COL23A1: variants seen among roughly 807,000 people sequenced by gnomAD.
The protein encoded by COL23A1 is collagen alpha-1(XXIII) chain.
In COL23A1, 97 loss-of-function variants were observed where a neutral mutation model predicts 99.3. That is an observed-to-expected ratio of 0.98 (90% confidence interval 0.83 to 1.16). The LOEUF (loss-of-function observed/expected upper bound fraction) is 1.16. Ranked by LOEUF, COL23A1 falls within the 50% of genes most tolerant of loss-of-function variation. The pLI is 0.00. For missense variants in COL23A1, 762 were observed against 757.4 expected (o/e 1.01, Z -0.07); for synonymous variants, 320 against 308.2 (o/e 1.04, Z -0.40).
chr5:178,399,535 G>A (rs12658831), intron 2 of COL23A1, among the ~76,000 whole-genome samples: 58,872 of 152,080 alleles, frequency 0.39, 11,947 homozygotes, highest in African/African-American at 0.47. Context: ...AGCAGCTGAC[G>A]GCAGGCTGTC....
intron 2 of COL23A1, among the ~76,000 whole-genome samples, chr5:178,389,592 T>C (rs970842190): frequency 2.6e-5 from 4 of 152,330 alleles, no homozygotes; most frequent in Admixed American, 6.5e-5. Context: ...TTGCTGGACT[T>C]CCCTCCACCC....
intron 12 of COL23A1, 44 bp from the exon 13 acceptor site, chr5:178,257,611 G>A: frequency 1.9e-6 from 3 of 1,543,978 alleles, no homozygotes; most frequent in Non-Finnish European, 2.6e-6. Flanking sequence ...ACCCTCGGGT[G>A]GCCAGTGGGC....
intron 2 of COL23A1, among the ~76,000 whole-genome samples, chr5:178,427,700 G>A (rs1344439720): frequency 6.6e-6 from 1 of 152,188 alleles, no homozygotes; most frequent in East Asian, 1.9e-4. Flanking sequence ...GGAGAAAGAA[G>A]CTATCTGAAA....
chr5:178,436,650 G>C (rs1011580419), intron 2 of COL23A1, among the ~76,000 whole-genome samples: 1 of 152,162 alleles, frequency 6.6e-6, no homozygotes, highest in Non-Finnish European at 1.5e-5. Flanking sequence ...GTGCAGCGGT[G>C]GTGACCAGCT....
chr5:178,574,279 T>C (rs114175419), intron 1 of COL23A1, among the ~76,000 whole-genome samples: 2,441 of 152,292 alleles, frequency 0.016, 55 homozygotes, highest in African/African-American at 0.054. Context: ...TTTTCTGAGA[T>C]GTTAAAAATA....
At chr5:178,546,930 C>T (rs528780518) in intron 2 of COL23A1, among the ~76,000 whole-genome samples, 59 of 152,258 alleles carry the variant, frequency 3.9e-4, no homozygotes, top group Admixed American at 2.4e-3. Context: ...CCTGGAGGAA[C>T]ACGGAGGAGG....
chr5:178,318,925 G>T (rs1012901454), intron 2 of COL23A1, among the ~76,000 whole-genome samples: 4 of 152,002 alleles, frequency 2.6e-5, no homozygotes, highest in African/African-American at 9.7e-5. Flanking sequence ...AAGGAAAGGG[G>T]CTCTCAAGGG....
chr5:178,360,386 G>A (rs1581228497), intron 2 of COL23A1, among the ~76,000 whole-genome samples: 1 of 152,114 alleles, frequency 6.6e-6, no homozygotes, highest in Admixed American at 6.5e-5. Flanking sequence ...TTAAAGTGGC[G>A]GCAGCCCTGC....
intron 2 of COL23A1, chr5:178,438,823 C>T (rs1236638034): frequency 1.3e-5 from 2 of 152,160 alleles, no homozygotes; most frequent in Non-Finnish European, 2.9e-5. Context: ...CTCTTGGGTC[C>T]AAACAAGTTG....
At chr5:178,256,747 G>C (rs563784547) in intron 14 of COL23A1, 119 bp downstream of exon 14, 10 of 989,854 alleles carry the variant, frequency 1.0e-5, no homozygotes, top group South Asian at 1.6e-5. Flanking sequence ...AGACCCCTGG[G>C]TCAGGCCCTC....
intron 12 of COL23A1, among the ~76,000 whole-genome samples, chr5:178,258,775 G>T (rs1479441225): frequency 1.3e-5 from 2 of 151,880 alleles, no homozygotes; most frequent in Non-Finnish European, 2.9e-5. Context: ...GCTTACTACA[G>T]CCTCAACCTC....
At chr5:178,392,355 TC>T (rs1764014758) in intron 2 of COL23A1, among the ~76,000 whole-genome samples, 1 of 152,188 alleles carries the variant, frequency 6.6e-6, no homozygotes, top group Non-Finnish European at 1.5e-5. Flanking sequence ...CTTATTTATA[TC>T]TTTCAAACAA....
intron 2 of COL23A1, among the ~76,000 whole-genome samples, chr5:178,511,061 T>C (rs902445730): frequency 6.6e-6 from 1 of 152,264 alleles, no homozygotes; most frequent in Non-Finnish European, 1.5e-5. Flanking sequence ...AACTAGAAAT[T>C]ATATTTTATT....
chr5:178,530,018 T>C (rs1342725644), intron 2 of COL23A1, among the ~76,000 whole-genome samples: 1 of 152,262 alleles, frequency 6.6e-6, no homozygotes, highest in East Asian at 1.9e-4. Flanking sequence ...TAACAGTTTT[T>C]CTACGGTCTT....
At chr5:178,521,049 G>T (rs1404826424) in intron 2 of COL23A1, among the ~76,000 whole-genome samples, 1 of 152,110 alleles carries the variant, frequency 6.6e-6, no homozygotes, top group Non-Finnish European at 1.5e-5. Context: ...GTAGCCTATT[G>T]CCCCCAGGCT....
rs200812819 is a variant in COL23A1 at position 178,259,691 on chromosome 5, C to A, written c.729+30G>T. On this transcript the variant is annotated intron_variant, in intron 12 of 28. Transcript: ENST00000390654. The stretch of plus-strand genomic sequence containing the variant: ...CTCTCCAGCCACTTCCCAACACTGA[C>A]CCGGAAGCTCCTCCATTGGCCCCTC... 2.9e-5 allele frequency: 45 copies of A among 1,574,808 alleles called. No homozygotes were observed. The Admixed American group carries it at 7.2e-4, about 25-fold the overall frequency.
At chr5:178,499,757 C>T (rs1370538552) in intron 2 of COL23A1, among the ~76,000 whole-genome samples, 1 of 152,212 alleles carries the variant, frequency 6.6e-6, no homozygotes, top group East Asian at 1.9e-4. Context: ...CAAGAATGTT[C>T]CTAGCAGCCT....
At chr5:178,556,506 C>A (rs1009289721) in intron 2 of COL23A1, among the ~76,000 whole-genome samples, 1 of 150,648 alleles carries the variant, frequency 6.6e-6, no homozygotes, top group Admixed American at 6.7e-5. Context: ...ATCTGTAGTC[C>A]CAGCTACTTG....
chr5:178,297,630 G>A lies in COL23A1; in HGVS notation c.407-7261C>T, dbSNP rs952778300. Among the ~76,000 whole-genome samples the A allele has an allele frequency of 3.2e-4, 48 of 152,290 alleles. 1 individual carries two copies. Among genetic ancestry groups the A allele is most frequent in the African/African-American group, 1.1e-3 (47 of 41,558 alleles). ...TTTCCTTCCATGCACTGTTGCAATC[G>A]GTAGTGGTTATTTACTTGTGGGTCG... On this transcript the variant is annotated intron_variant, in intron 3 of 28. Coordinates refer to ENST00000390654, the MANE Select transcript of COL23A1 (RefSeq NM_173465.4).
Sources: gnomAD v4.1 joint callset for allele counts (sites outside exome capture counted in the v4.1 genomes callset) on GRCh38, gnomAD v4.1.1 for gene constraint, MANE v1.5 for transcripts, NCBI Gene and HGNC (gene_info 2026-07-23, HGNC 2026-07-21) for gene names.